TAFA1: variants seen among roughly 807,000 people sequenced by gnomAD.
The protein encoded by TAFA1 is chemokine-like protein TAFA-1.
Under a neutral mutation model 18.5 loss-of-function variants are expected in TAFA1, and 4 were observed. The observed-to-expected ratio is 0.22, with a 90% CI of 0.11 to 0.49. The LOEUF is 0.49. Among genes scored for constraint, TAFA1 ranks in the 20% least tolerant of loss-of-function variants. TAFA1 has a pLI of 0.98. For missense variants in TAFA1, 147 were observed against 169.0 expected (o/e 0.87, Z 0.72); for synonymous variants, 56 against 55.2 (o/e 1.01, Z -0.06).
chr3:68,259,873 T>C (rs1462804842), intron 2 of TAFA1, among the ~76,000 whole-genome samples: 1 of 152,158 alleles, frequency 6.6e-6, no homozygotes, highest in Non-Finnish European at 1.5e-5. Flanking sequence ...TACAATCATG[T>C]CATCTGCAAA....
intron 2 of TAFA1, among the ~76,000 whole-genome samples, chr3:68,095,103 A>G (rs2065072633): frequency 6.6e-6 from 1 of 152,146 alleles, no homozygotes; most frequent in African/African-American, 2.4e-5. Context: ...TTTGTCTTCC[A>G]GCCAGAGAGA....
intron 2 of TAFA1, among the ~76,000 whole-genome samples, chr3:68,376,571 A>G (rs2069822125): frequency 1.3e-5 from 2 of 152,140 alleles, no homozygotes; most frequent in East Asian, 3.9e-4. Flanking sequence ...CCATGTCGCT[A>G]CAAAGGACAG....
chr3:68,187,711 A>G (rs957889975), intron 2 of TAFA1, among the ~76,000 whole-genome samples: 11 of 152,136 alleles, frequency 7.2e-5, no homozygotes, highest in African/African-American at 2.6e-4. Context: ...TATGCAAAGC[A>G]GTGTTTAGTT....
chr3:68,019,621 GC>G, intron 2 of TAFA1, among the ~76,000 whole-genome samples: 1 of 152,136 alleles, frequency 6.6e-6, no homozygotes, highest in Non-Finnish European at 1.5e-5. Context: ...ATCATTTGCA[GC>G]AGTGTCTTTT....
At chr3:68,307,810 C>T (rs1201746138) in intron 2 of TAFA1, among the ~76,000 whole-genome samples, 1 of 151,854 alleles carries the variant, frequency 6.6e-6, no homozygotes, top group Admixed American at 6.6e-5. Context: ...GGGTGAGCTC[C>T]ATGTGAGAAG....
chr3:68,365,960 C>T (rs1177350992), intron 2 of TAFA1, among the ~76,000 whole-genome samples: 2 of 151,840 alleles, frequency 1.3e-5, no homozygotes, highest in Non-Finnish European at 1.5e-5. Context: ...TGGCACGTGC[C>T]TGTAGTCCCA....
At chr3:68,330,954 G>T (rs2068856847) in intron 2 of TAFA1, among the ~76,000 whole-genome samples, 1 of 151,736 alleles carries the variant, frequency 6.6e-6, no homozygotes, top group African/African-American at 2.4e-5. Context: ...TAAAAGAATT[G>T]AAAATAGGTG....
At chr3:68,014,783 A>G (rs1450275608) in intron 2 of TAFA1, among the ~76,000 whole-genome samples, 1 of 152,208 alleles carries the variant, frequency 6.6e-6, no homozygotes, top group Non-Finnish European at 1.5e-5. Context: ...AAACACCATC[A>G]TGGACCAGGC....
the TAFA1 span, among the ~76,000 whole-genome samples, chr3:67,995,577 C>T: frequency 6.6e-6 from 1 of 152,062 alleles, no homozygotes; most frequent in African/African-American, 2.4e-5. Flanking sequence ...AGCTGGGACT[C>T]CCAGAGATAC....
chr3:68,011,454 T>G (rs1704469420), intron 2 of TAFA1, among the ~76,000 whole-genome samples: 1 of 152,212 alleles, frequency 6.6e-6, no homozygotes, highest in African/African-American at 2.4e-5. Flanking sequence ...TATTACATAC[T>G]GAACATCACC....
chr3:68,139,798 C>G (rs898213185), intron 2 of TAFA1, among the ~76,000 whole-genome samples: 3 of 152,206 alleles, frequency 2.0e-5, no homozygotes, highest in Non-Finnish European at 2.9e-5. Context: ...ATCTCCTGCT[C>G]TATTTCAACC....
At chr3:68,418,258 G>A (rs1006890108) in intron 3 of TAFA1, among the ~76,000 whole-genome samples, 8 of 152,058 alleles carry the variant, frequency 5.3e-5, no homozygotes, top group Non-Finnish European at 7.4e-5. Context: ...AGGGAGATAA[G>A]GGTGGGGCCG....
intron 2 of TAFA1, among the ~76,000 whole-genome samples, chr3:68,343,677 C>G (rs1434695545): frequency 6.6e-6 from 1 of 152,192 alleles, no homozygotes; most frequent in East Asian, 1.9e-4. Context: ...AACTATATCT[C>G]TGTTGCACTT....
At chr3:68,267,175 T>C (rs745951088) in intron 2 of TAFA1, among the ~76,000 whole-genome samples, 1 of 152,178 alleles carries the variant, frequency 6.6e-6, no homozygotes, top group Non-Finnish European at 1.5e-5. Flanking sequence ...GTTGTGTTAA[T>C]TAGCCTCATC....
chr3:68,089,158 C>T (rs1375964008), intron 2 of TAFA1, among the ~76,000 whole-genome samples: 1 of 152,008 alleles, frequency 6.6e-6, no homozygotes, highest in African/African-American at 2.4e-5. Flanking sequence ...GATATGTGAG[C>T]CTGAAACTCA....
chr3:68,262,342 T>TTTC (rs2067448690), intron 2 of TAFA1, among the ~76,000 whole-genome samples: 1 of 92,780 alleles, frequency 1.1e-5, no homozygotes, highest in African/African-American at 4.2e-5. Flanking sequence ...TATATATATA[T>TTTC]ATATATATAT....
chr3:68,467,866 G>A (rs1489264573), intron 3 of TAFA1, among the ~76,000 whole-genome samples: 1 of 152,068 alleles, frequency 6.6e-6, no homozygotes, highest in Non-Finnish European at 1.5e-5. Flanking sequence ...AGGTCCAGTT[G>A]AAAAAAGAGT....
In TAFA1 at chr3:68,484,955, G is replaced by A. The variant is rs17047755; in HGVS notation, c.260-53801G>A. Among the ~76,000 whole-genome samples, 744 of 152,310 alleles carry A rather than the reference G, an allele frequency of 4.9e-3. 6 individuals are homozygous for A. The highest frequency in any genetic ancestry group is 0.017 in the African/African-American group (704 of 41,584). ...GCTGGGGTTTAATTTCAAGGCAAGA[G>A]TCATAATCAAGGCTATTTTAACCCA... On this transcript the variant is annotated intron_variant, in intron 3 of 4. Transcript: ENST00000478136.
chr3:68,027,544 T>C (rs1704842896), intron 2 of TAFA1, among the ~76,000 whole-genome samples: 1 of 152,204 alleles, frequency 6.6e-6, no homozygotes, highest in Non-Finnish European at 1.5e-5. Context: ...AAGGTCACAA[T>C]AGGCAGCTGT....
Sources: gnomAD v4.1 joint callset for allele counts (sites outside exome capture counted in the v4.1 genomes callset) on GRCh38, gnomAD v4.1.1 for gene constraint, MANE v1.5 for transcripts, NCBI Gene and HGNC (gene_info 2026-07-23, HGNC 2026-07-21) for gene names.